The following PLEKHG1 variants were observed in gnomAD, a reference collection of about 807,000 sequenced individuals.
The protein encoded by PLEKHG1 is pleckstrin homology domain-containing family G member 1.
In PLEKHG1, 44 loss-of-function variants were observed where a neutral mutation model predicts 100.8. The ratio of observed to expected loss-of-function variants is 0.44; its 90% CI spans 0.34 to 0.56. The LOEUF is 0.56. PLEKHG1 is among the 20% of genes least tolerant of loss of function. The pLI is 0.01. For synonymous variants in PLEKHG1, 640 were observed against 662.5 expected (o/e 0.97, Z 0.52); for missense variants, 1,545 against 1,720.9 (o/e 0.90, Z 1.81).
In PLEKHG1 at chr6:150,734,616, A is replaced by C. The variant is rs566231484; in HGVS notation, c.411+524A>C. ...AGATGCACAGGTGATTTTAATGTGC[A>C]GAGAGGTTTGCAGCCGCTGCTGTCT... On this transcript the variant is annotated intron_variant, in intron 2 of 15. Coordinates refer to ENST00000358517, the Ensembl canonical transcript of PLEKHG1. Among the ~76,000 whole-genome samples, 16 of 152,288 alleles carry C rather than the reference A, an allele frequency of 1.1e-4. No homozygotes were observed. In the South Asian group the frequency reaches 2.7e-3, roughly 26 times the overall value.
At chr6:150,638,642 G>A (rs1778119173) in intron 2 of PLEKHG1, among the ~76,000 whole-genome samples, 2 of 152,162 alleles carry the variant, frequency 1.3e-5, no homozygotes, top group Admixed American at 6.5e-5. Context: ...AAGCCCCCTT[G>A]CCAGGTACCC....
In PLEKHG1 at chr6:150,694,196, G is replaced by A. The variant is rs1013689291; in HGVS notation, c.-98-39388G>A. Among the ~76,000 whole-genome samples, 11 of 152,148 alleles carry A rather than the reference G, an allele frequency of 7.2e-5. No individual in the cohort carries two copies. The East Asian group carries it at 7.7e-4, about 11-fold the overall frequency. ...TCCTGGCATGCAGGACTCTGCTACC[G>A]GAAATTATTATAGCATACAGAGTAA... On this transcript the variant is annotated intron_variant, in intron 3 of 3. Coordinates refer to the PLEKHG1 transcript ENST00000367326.
chr6:150,840,658 T>C lies in PLEKHG1; in HGVS notation c.3920T>C (p.Val1307Ala), dbSNP rs1266133128. The C allele has an allele frequency of 7.4e-6, 12 of 1,614,100 alleles. No homozygotes were observed. Among genetic ancestry groups the C allele is most frequent in the Non-Finnish European group, 1.0e-5 (12 of 1,180,024 alleles). ...AGAAGGAAATCTGACTCAAAGTTTG[T>C]GGATGCTGACTTTTCTGATAATGTC... The change falls in exon 16 of 16, where the codon GTG becomes GCG. Residue 1307 changes from valine (V) to alanine (A), a missense_variant. Coordinates refer to ENST00000358517, the Ensembl canonical transcript of PLEKHG1.
chr6:150,705,079 CA>C (rs1176906494), intron 3 of PLEKHG1, among the ~76,000 whole-genome samples: 1 of 152,074 alleles, frequency 6.6e-6, no homozygotes, highest in Non-Finnish European at 1.5e-5. Context: ...GGCGGGGGGA[CA>C]AAATTCAGTC....
chr6:150,799,369 A>G (rs901626136), intron 5 of PLEKHG1, among the ~76,000 whole-genome samples: 2 of 152,058 alleles, frequency 1.3e-5, no homozygotes, highest in African/African-American at 4.8e-5. Flanking sequence ...CTATCTTCAT[A>G]CCAGTCACAC....
At chr6:150,654,866 G>A (rs1778904317) in intron 3 of PLEKHG1, among the ~76,000 whole-genome samples, 1 of 152,202 alleles carries the variant, frequency 6.6e-6, no homozygotes, top group Non-Finnish European at 1.5e-5. Flanking sequence ...CCATCCAGGG[G>A]GATTCTTGGC....
At chr6:150,616,970 A>G (rs1562385761) in intron 1 of PLEKHG1, among the ~76,000 whole-genome samples, 1 of 152,192 alleles carries the variant, frequency 6.6e-6, no homozygotes, top group Non-Finnish European at 1.5e-5. Flanking sequence ...TGATTTAAAT[A>G]TCAAGAAGAT....
chr6:150,636,894 G>A lies in PLEKHG1; in HGVS notation c.-203-1186G>A, dbSNP rs151027166. ...GTCTCCAACTTATTTCTTTTCTAAA[G>A]CATCTATTGAACCTTGGTCTGAAAA... On this transcript the variant is annotated intron_variant, in intron 1 of 3. Coordinates refer to the PLEKHG1 transcript ENST00000367326. Among the ~76,000 whole-genome samples the A allele has an allele frequency of 2.8e-3, 419 of 152,274 alleles. 8 individuals carry two copies. The highest frequency in any genetic ancestry group is 0.024 in the East Asian group (127 of 5,186).
chr6:150,775,406 TA>T (rs1448976689), intron 3 of PLEKHG1, among the ~76,000 whole-genome samples: 1 of 152,222 alleles, frequency 6.6e-6, no homozygotes, highest in African/African-American at 2.4e-5. Context: ...TAAAATCATC[TA>T]AGCTCTCTCC....
At chr6:150,642,773 A>C (rs950786438) in intron 2 of PLEKHG1, among the ~76,000 whole-genome samples, 1 of 152,222 alleles carries the variant, frequency 6.6e-6, no homozygotes, top group African/African-American at 2.4e-5. Context: ...AAAAGCATTG[A>C]TAACTGTATT....
chr6:150,773,425 T>A (rs542092984), intron 3 of PLEKHG1, among the ~76,000 whole-genome samples: 185 of 152,300 alleles, frequency 1.2e-3, no homozygotes, highest in African/African-American at 4.2e-3. Flanking sequence ...TCCCAGCTAC[T>A]CAGGAGGCTG....
chr6:150,737,190 C>A (rs1328030345), intron 2 of PLEKHG1, among the ~76,000 whole-genome samples: 5 of 152,140 alleles, frequency 3.3e-5, no homozygotes, highest in African/African-American at 1.2e-4. Flanking sequence ...AGTGGCTAGA[C>A]CACTTTTATC....
chr6:150,628,527 A>AACACACACACACAC (rs565121317), intron 1 of PLEKHG1, among the ~76,000 whole-genome samples: 2,430 of 94,706 alleles, frequency 0.026, 59 homozygotes, highest in Middle Eastern at 0.045. Flanking sequence ...TAGATAGGAA[A>AACACACACACACAC]ACACACACAC....
intron 3 of PLEKHG1, among the ~76,000 whole-genome samples, chr6:150,659,609 G>C (rs143164326): frequency 6.6e-6 from 1 of 152,194 alleles, no homozygotes; most frequent in Non-Finnish European, 1.5e-5. Context: ...AGCAGCGGGA[G>C]TAATATTATT....
chr6:150,740,309 G>A (rs920461079), intron 2 of PLEKHG1, among the ~76,000 whole-genome samples: 1 of 152,214 alleles, frequency 6.6e-6, no homozygotes, highest in African/African-American at 2.4e-5. Context: ...GGTATGGAAA[G>A]GGCAGTGTGC....
chr6:150,755,825 C>T (rs902628633), intron 2 of PLEKHG1, among the ~76,000 whole-genome samples: 2 of 152,090 alleles, frequency 1.3e-5, no homozygotes, highest in African/African-American at 4.8e-5. Flanking sequence ...TCAGATAAAT[C>T]CGTCCTGGGA....
exon 16 of PLEKHG1, chr6:150,840,922 CA>C: frequency 2.0e-6 from 3 of 1,515,264 alleles, no homozygotes; most frequent in Non-Finnish European, 2.7e-6. Flanking sequence ...CTGCTTGAAT[CA>C]ACTTCTTATT....
At chr6:150,833,043 ATT>A (rs57683244) in intron 15 of PLEKHG1, among the ~76,000 whole-genome samples, 1,494 of 133,454 alleles carry the variant, frequency 0.011, 9 homozygotes, top group African/African-American at 0.023. Context: ...TTACTACTCA[ATT>A]TTTTTTTTTT....
intron 2 of PLEKHG1, among the ~76,000 whole-genome samples, chr6:150,746,184 A>G (rs768818910): frequency 4.6e-5 from 7 of 152,224 alleles, no homozygotes; most frequent in Non-Finnish European, 8.8e-5. Flanking sequence ...TGCTGCTGTC[A>G]CTAGATGCAA....
Sources: gnomAD v4.1 joint callset for allele counts (sites outside exome capture counted in the v4.1 genomes callset) on GRCh38, gnomAD v4.1.1 for gene constraint, MANE v1.5 for transcripts, NCBI Gene and HGNC (gene_info 2026-07-23, HGNC 2026-07-21) for gene names.